The following STPG2 variants were observed in gnomAD, a reference collection of about 807,000 sequenced individuals.
STPG2 encodes sperm-tail PG-rich repeat-containing protein 2.
STPG2 carries 56 observed loss-of-function variants against 54.2 expected under a neutral mutation model. That is an observed-to-expected ratio of 1.03 (90% CI 0.83 to 1.29). STPG2 has a LOEUF of 1.29. Ranked by LOEUF, STPG2 falls within the 50% of genes most tolerant of loss-of-function variation. The pLI is 0.00. For synonymous variants in STPG2, 200 were observed against 181.8 expected (o/e 1.10, Z -0.81); for missense variants, 596 against 544.9 (o/e 1.09, Z -0.93).
At chr4:97,937,509 G>A (rs180767298) in intron 8 of STPG2, among the ~76,000 whole-genome samples, 9 of 152,222 alleles carry the variant, frequency 5.9e-5, no homozygotes, top group East Asian at 3.9e-4. Flanking sequence ...TCTCATCTTC[G>A]TGAGTTTGTC....
At chr4:97,684,028 C>T (rs1034623068) in intron 10 of STPG2, among the ~76,000 whole-genome samples, 3 of 151,716 alleles carry the variant, frequency 2.0e-5, no homozygotes, top group African/African-American at 7.3e-5. Context: ...AAAATAGAAA[C>T]ATTTACCTTT....
At chr4:97,690,448 T>A (rs1723329309) in intron 10 of STPG2, among the ~76,000 whole-genome samples, 3 of 152,106 alleles carry the variant, frequency 2.0e-5, no homozygotes, top group Admixed American at 1.3e-4. Flanking sequence ...ACTAATATAG[T>A]ACCACCAAGA....
chr4:97,717,140 A>G (rs1174986460), intron 9 of STPG2, among the ~76,000 whole-genome samples: 1 of 152,150 alleles, frequency 6.6e-6, no homozygotes, highest in Non-Finnish European at 1.5e-5. Context: ...ACTTCAGATG[A>G]CCATAGAACT....
At chr4:97,782,524 A>G (rs879034273) in intron 9 of STPG2, among the ~76,000 whole-genome samples, 2 of 152,208 alleles carry the variant, frequency 1.3e-5, no homozygotes, top group African/African-American at 4.8e-5. Context: ...TACACATTCA[A>G]TGCCATCCCC....
chr4:97,530,770 T>C (rs1731396258), intron 4 of STPG2, among the ~76,000 whole-genome samples: 1 of 152,064 alleles, frequency 6.6e-6, no homozygotes, highest in Admixed American at 6.6e-5. Context: ...TGCTGAATTG[T>C]CAATGGCACC....
chr4:97,861,717 T>G (rs904271782), intron 8 of STPG2, among the ~76,000 whole-genome samples: 2 of 152,132 alleles, frequency 1.3e-5, no homozygotes, highest in South Asian at 2.1e-4. Context: ...GACTAACAGC[T>G]GCTCTCTCGG....
intron 5 of STPG2, among the ~76,000 whole-genome samples, chr4:98,089,163 G>T (rs1738611019): frequency 6.6e-6 from 1 of 151,886 alleles, no homozygotes; most frequent in Non-Finnish European, 1.5e-5. Flanking sequence ...CCCAGACATT[G>T]TATACTGTAC....
intron 4 of STPG2, among the ~76,000 whole-genome samples, chr4:97,504,686 C>T (rs762490802): frequency 5.9e-5 from 9 of 152,050 alleles, no homozygotes; most frequent in Non-Finnish European, 1.2e-4. Context: ...CAACCCAAAT[C>T]ACACACAATG....
At chr4:97,875,921 C>T (rs1476509526) in intron 8 of STPG2, among the ~76,000 whole-genome samples, 3 of 151,578 alleles carry the variant, frequency 2.0e-5, no homozygotes, top group Non-Finnish European at 4.4e-5. Context: ...AGAGAGTTAC[C>T]ACTGAAAAAA....
rs528571879 is a variant in STPG2 at position 97,660,164 on chromosome 4, A to G, written c.1320+52535T>C. ...ACTACAGGCGCCCACCACTAAGCCC[A>G]GCTAATTTTTTGTATTTTTAGTAGA... On this transcript the variant is annotated intron_variant, in intron 10 of 10. Coordinates refer to ENST00000295268, the MANE Select transcript of STPG2 (RefSeq NM_174952.3). Among the ~76,000 whole-genome samples, 300 of 152,242 alleles carry G rather than the reference A, an allele frequency of 2.0e-3. 6 individuals carry two copies. In the East Asian group the frequency reaches 0.027, roughly 13 times the overall value.
intron 5 of STPG2, among the ~76,000 whole-genome samples, chr4:98,023,331 G>A (rs190503585): frequency 1.0e-3 from 155 of 152,176 alleles, no homozygotes; most frequent in Middle Eastern, 3.4e-3. Flanking sequence ...GCAGAACAGC[G>A]ATGACTGTAG....
chr4:97,449,420 A>T (rs1437614828), intron 4 of STPG2, among the ~76,000 whole-genome samples: 1 of 152,184 alleles, frequency 6.6e-6, no homozygotes, highest in Non-Finnish European at 1.5e-5. Flanking sequence ...ACCATTCAAC[A>T]TATCAATGAA....
At chr4:97,938,405 C>T (rs1472963516) in intron 8 of STPG2, among the ~76,000 whole-genome samples, 8 of 143,134 alleles carry the variant, frequency 5.6e-5, no homozygotes. Context: ...AATGGCTATC[C>T]CTCCCTCGGG....
chr4:97,663,548 A>G (rs550071191), intron 10 of STPG2, among the ~76,000 whole-genome samples: 4 of 152,288 alleles, frequency 2.6e-5, no homozygotes, highest in African/African-American at 9.6e-5. Context: ...TTCTCTAACC[A>G]TTATCAAACC....
chr4:97,887,051 A>G (rs1730597944), intron 8 of STPG2, among the ~76,000 whole-genome samples: 1 of 152,182 alleles, frequency 6.6e-6, no homozygotes, highest in South Asian at 2.1e-4. Context: ...ATTCCTGTAC[A>G]GCCTGTGGAA....
At chr4:97,655,266 A>G (rs1161061385) in intron 10 of STPG2, among the ~76,000 whole-genome samples, 1 of 152,060 alleles carries the variant, frequency 6.6e-6, no homozygotes, top group Non-Finnish European at 1.5e-5. Flanking sequence ...ACGTTTGTAT[A>G]TATTATCTGA....
chr4:97,923,259 G>A (rs1732181865), intron 8 of STPG2, among the ~76,000 whole-genome samples: 2 of 152,204 alleles, frequency 1.3e-5, no homozygotes, highest in South Asian at 2.1e-4. Flanking sequence ...TGGAGAGAGA[G>A]GCACAGGTGG....
At chr4:98,096,324 G>A (rs1201108406) in intron 5 of STPG2, among the ~76,000 whole-genome samples, 1 of 152,082 alleles carries the variant, frequency 6.6e-6, no homozygotes, top group Non-Finnish European at 1.5e-5. Context: ...CTGAGCCCAG[G>A]AAGTCAAGGC....
chr4:97,682,172 A>G (rs537775013), intron 10 of STPG2, among the ~76,000 whole-genome samples: 1 of 151,756 alleles, frequency 6.6e-6, no homozygotes, highest in East Asian at 1.9e-4. Context: ...ACTCTCTACT[A>G]GGCATACAAA....
Sources: gnomAD v4.1 joint callset for allele counts (sites outside exome capture counted in the v4.1 genomes callset) on GRCh38, gnomAD v4.1.1 for gene constraint, MANE v1.5 for transcripts, NCBI Gene and HGNC (gene_info 2026-07-23, HGNC 2026-07-21) for gene names.